Variants in AK8 observed in about 807,000 individuals in gnomAD.
The protein encoded by AK8 is adenylate kinase 8.
A neutral mutation model predicts 54.6 loss-of-function variants in AK8; 44 were observed. That is an observed-to-expected ratio of 0.81 (90% CI 0.63 to 1.04). AK8 has a LOEUF of 1.04. AK8 is among the 50% of genes least tolerant of loss of function. The pLI is 0.00. For missense variants in AK8, 555 were observed against 613.6 expected (o/e 0.90, Z 1.01); for synonymous variants, 239 against 245.6 (o/e 0.97, Z 0.25).
chr9:132,787,791 G>A lies in AK8; in HGVS notation c.1121+4843C>T, dbSNP rs370528422. 3.3e-5 allele frequency among the ~76,000 whole-genome samples: 5 copies of A among 152,076 alleles called. No homozygotes were observed. In the East Asian group the frequency reaches 7.7e-4, roughly 23 times the overall value. On this transcript the variant is annotated intron_variant, in intron 11 of 12. Coordinates refer to ENST00000298545, the MANE Select transcript of AK8 (RefSeq NM_152572.3). Reference sequence around the variant, plus strand: ...TTCAATTTAGAACACATGTGTTTCCGGTGTAACAGTCCACTGCTTTTAAAT... The same window carrying A: ...TTCAATTTAGAACACATGTGTTTCCAGTGTAACAGTCCACTGCTTTTAAAT...
intron 11 of AK8, among the ~76,000 whole-genome samples, chr9:132,728,364 T>G (rs995185617): frequency 6.6e-6 from 1 of 152,180 alleles, no homozygotes; most frequent in Non-Finnish European, 1.5e-5. Context: ...TGGGGGAACA[T>G]CTTGTTCTCT....
chr9:132,811,850 C>A (rs1390505426), intron 10 of AK8, among the ~76,000 whole-genome samples: 1 of 152,104 alleles, frequency 6.6e-6, no homozygotes, highest in Non-Finnish European at 1.5e-5. Context: ...AATCTGGAAA[C>A]CACCAAAATA....
intron 11 of AK8, among the ~76,000 whole-genome samples, chr9:132,753,696 G>T: frequency 6.6e-6 from 1 of 152,228 alleles, no homozygotes; most frequent in Non-Finnish European, 1.5e-5. Flanking sequence ...GCAGTGAGGG[G>T]ATCCCCGCTG....
intron 7 of AK8, 117 bp from the exon 8 acceptor site, chr9:132,827,171 T>C (rs966146069): frequency 2.0e-6 from 2 of 1,016,862 alleles, no homozygotes; most frequent in Admixed American, 3.9e-5. Flanking sequence ...TCCTGGGGTG[T>C]GGCTGACCAC....
intron 10 of AK8, among the ~76,000 whole-genome samples, chr9:132,801,086 G>A (rs552226198): frequency 1.3e-5 from 2 of 152,142 alleles, no homozygotes; most frequent in South Asian, 2.1e-4. Flanking sequence ...CACCAGGCCC[G>A]GCTAATTTTT....
chr9:132,793,065 TC>T (rs1554792174), intron 10 of AK8, among the ~76,000 whole-genome samples: 2 of 103,348 alleles, frequency 1.9e-5, no homozygotes, highest in South Asian at 5.5e-4. Context: ...GAGCAGATTG[TC>T]CCCCTGTCTT....
intron 5 of AK8, among the ~76,000 whole-genome samples, chr9:132,829,421 G>A (rs1306520874): frequency 3.9e-5 from 6 of 152,098 alleles, no homozygotes; most frequent in African/African-American, 1.4e-4. Flanking sequence ...ACTGCGGGCA[G>A]TGTTCACTAT....
Position 132,774,497 on chromosome 9 carries a change from C to T in AK8, c.1121+18137G>A, listed in dbSNP as rs531832147. Reference sequence around the variant, plus strand: ...GGCTCAAGCTTTTAAAGCACAGTGCCGGGTTCAGCAGTTCAGCACTTTAGT... The same window carrying T: ...GGCTCAAGCTTTTAAAGCACAGTGCTGGGTTCAGCAGTTCAGCACTTTAGT... On this transcript the variant is annotated intron_variant, in intron 11 of 12. Coordinates refer to ENST00000298545, the MANE Select transcript of AK8 (RefSeq NM_152572.3). Among the ~76,000 whole-genome samples, 3 of 152,206 alleles carry T rather than the reference C, an allele frequency of 2.0e-5. No homozygotes were observed. In the South Asian group the frequency reaches 6.2e-4, roughly 32 times the overall value.
At chr9:132,789,914 G>C (rs1262520797) in intron 11 of AK8, among the ~76,000 whole-genome samples, 1 of 152,206 alleles carries the variant, frequency 6.6e-6, no homozygotes, top group Non-Finnish European at 1.5e-5. Context: ...GGCCCACCCA[G>C]ATAGTCCAGG....
rs1838902916 is a variant in AK8, at chr9:132,770,221, A to C, written c.1121+22413T>G. Reference sequence around the variant, plus strand: ...CTTGCCTGGGTCCTGGGATGCAGACAACGTGGCATTTAAAAGTGAAAGCGG... The same window carrying C: ...CTTGCCTGGGTCCTGGGATGCAGACCACGTGGCATTTAAAAGTGAAAGCGG... On this transcript the variant is annotated intron_variant, in intron 11 of 12. Coordinates refer to ENST00000298545, the MANE Select transcript of AK8 (RefSeq NM_152572.3). The surrounding 1 kb of genome is among the most constrained non-coding windows in gnomAD (Gnocchi z 4.3). 6.6e-6 allele frequency: 1 copy of C among 152,252 alleles called. No individual in the cohort carries two copies. Among genetic ancestry groups the C allele is most frequent in the Non-Finnish European group, 1.5e-5 (1 of 68,140 alleles). 9.4% of individuals were successfully genotyped at this position (152,252 alleles called of 1,614,324 possible).
intron 10 of AK8, among the ~76,000 whole-genome samples, chr9:132,795,103 A>T (rs1037557835): frequency 1.3e-5 from 2 of 152,236 alleles, no homozygotes; most frequent in Non-Finnish European, 2.9e-5. Flanking sequence ...GATTAAGAAC[A>T]GCCTTGGAAG....
chr9:132,762,742 A>G (rs1223487750), intron 11 of AK8, among the ~76,000 whole-genome samples: 1 of 152,144 alleles, frequency 6.6e-6, no homozygotes, highest in Non-Finnish European at 1.5e-5. Flanking sequence ...TGTCTCTACT[A>G]AAAATACAAA....
At chr9:132,863,639 AC>A in intron 4 of AK8, 25 bp downstream of exon 4, 2 of 1,544,014 alleles carry the variant, frequency 1.3e-6, no homozygotes, top group Non-Finnish European at 1.8e-6. Flanking sequence ...CTGTGTGCCT[AC>A]CCCTGTCCCC....
intron 10 of AK8, among the ~76,000 whole-genome samples, chr9:132,793,306 G>A (rs973739834): frequency 2.0e-5 from 3 of 152,116 alleles, no homozygotes; most frequent in Non-Finnish European, 4.4e-5. Flanking sequence ...ACCTCCCAAA[G>A]GTCCCATCTA....
chr9:132,799,559 G>A lies in AK8; in HGVS notation c.980-6784C>T, dbSNP rs572907751. 3.2e-4 allele frequency among the ~76,000 whole-genome samples: 48 copies of A among 151,102 alleles called. No individual in the cohort carries two copies. The highest frequency in any genetic ancestry group is 2.1e-3 in the South Asian group (10 of 4,764). ...GACACACTACAACACACACAGGCAC[G>A]CACACACACAGACATGTGCTCATGC... On this transcript the variant is annotated intron_variant, in intron 10 of 12. Coordinates refer to ENST00000298545, the MANE Select transcript of AK8 (RefSeq NM_152572.3). This position sits in a 1 kb window ranked among gnomAD's most constrained non-coding sequence, Gnocchi z 5.0.
At position 132,866,729 on chromosome 9, in the gene AK8, T is replaced by C. The variant is rs78517113; in HGVS notation, c.219+175A>G. 5.4e-3 allele frequency among the ~76,000 whole-genome samples: 822 copies of C among 152,302 alleles called. 11 individuals carry two copies. The highest frequency in any genetic ancestry group is 0.019 in the African/African-American group (798 of 41,550). On this transcript the variant is annotated intron_variant, in intron 3 of 12. Coordinates refer to ENST00000298545, the MANE Select transcript of AK8 (RefSeq NM_152572.3). ...TCAGGGAATTCTATTTTTGGTCTTT[T>C]GTAGTTTCTAGGTTTTCTGCTATGA...
chr9:132,821,043 T>C (rs1388361830), intron 9 of AK8, among the ~76,000 whole-genome samples: 1 of 152,118 alleles, frequency 6.6e-6, no homozygotes, highest in Non-Finnish European at 1.5e-5. Context: ...AAAACCATGA[T>C]GAGCTTTTCT....
At chr9:132,848,532 C>G (rs551470408) in intron 5 of AK8, among the ~76,000 whole-genome samples, 1 of 152,164 alleles carries the variant, frequency 6.6e-6, no homozygotes, top group Non-Finnish European at 1.5e-5. Flanking sequence ...CAGCCTAAGA[C>G]GGCCCCTCCA....
At chr9:132,804,078 C>A (rs982587589) in intron 10 of AK8, among the ~76,000 whole-genome samples, 1 of 147,108 alleles carries the variant, frequency 6.8e-6, no homozygotes, top group African/African-American at 2.6e-5. Flanking sequence ...TGCGATCCAG[C>A]CTGGGGACAG....
Sources: allele counts gnomAD v4.1 joint callset (sites outside exome capture counted in the v4.1 genomes callset), GRCh38; gene constraint gnomAD v4.1.1; non-coding constraint Gnocchi (gnomAD v3.1); transcripts MANE v1.5; gene names NCBI Gene and HGNC (gene_info 2026-07-23, HGNC 2026-07-21).